The following PTPRD variants were observed in gnomAD, a reference collection of about 807,000 sequenced individuals.
PTPRD encodes receptor-type tyrosine-protein phosphatase delta.
PTPRD carries 34 observed loss-of-function variants against 214.5 expected under a neutral mutation model. The observed-to-expected ratio is 0.16, with a 90% CI of 0.12 to 0.21. The LOEUF (loss-of-function observed/expected upper bound fraction) is 0.21, where lower values mean the gene tolerates loss of function less well. PTPRD is among the 10% of genes least tolerant of loss of function. The pLI is 1.00. For missense variants in PTPRD, 2,545 were observed against 2,398.7 expected, an observed-to-expected ratio of 1.06 and a Z score of -1.27; for synonymous variants, 1,128 against 845.7, an observed-to-expected ratio of 1.33 and a Z score of -5.79.
At chr9:9,886,511 C>A (rs2070984930) in intron 5 of PTPRD, among the ~76,000 whole-genome samples, 1 of 152,022 alleles carries the variant, frequency 6.6e-6, no homozygotes, top group African/African-American at 2.4e-5. Context: ...TAAATTGTGG[C>A]CAGAGGTCAG....
chr9:10,318,960 G>T (rs567157052), intron 3 of PTPRD, among the ~76,000 whole-genome samples: 1 of 152,184 alleles, frequency 6.6e-6, no homozygotes, highest in Non-Finnish European at 1.5e-5. Context: ...AGAGCTATCA[G>T]CCAGGAAACA....
intron 9 of PTPRD, among the ~76,000 whole-genome samples, chr9:9,358,212 C>A (rs1442542565): frequency 6.6e-6 from 1 of 151,152 alleles, no homozygotes; most frequent in Non-Finnish European, 1.5e-5. Context: ...ATTATATAGG[C>A]AATTTTTTCT....
At position 10,523,637 on chromosome 9, in the gene PTPRD, G is replaced by GGA. The variant is rs34292948; in HGVS notation, c.-600+88759_-600+88760dup. On this transcript the variant is annotated intron_variant, in intron 2 of 45. Transcript: ENST00000381196. ...TATATATATATAGACAGAAAGAAAG[G>GGA]GAGAGAGAGAGAGAGAGAGAAATAA... Among the ~76,000 whole-genome samples the GGA allele has an allele frequency of 3.7e-3, 83 of 22,494 alleles. 1 individual carries two copies. The East Asian group carries it at 0.051, about 14-fold the overall frequency. The allele number at this position is 22,494 out of a possible 152,430, so 14.8% of individuals were successfully genotyped here.
intron 4 of PTPRD, among the ~76,000 whole-genome samples, chr9:10,025,270 C>T (rs192205592): frequency 7.9e-5 from 12 of 152,282 alleles, no homozygotes; most frequent in Admixed American, 5.9e-4. Context: ...GTTCCTATTT[C>T]TCCACATCCT....
chr9:10,037,246 C>G (rs12006204), intron 3 of PTPRD, among the ~76,000 whole-genome samples: 15,258 of 152,080 alleles, frequency 0.1, 931 homozygotes, highest in South Asian at 0.16. Flanking sequence ...AATCTCATAT[C>G]AAATCATAAT....
At chr9:10,413,764 T>C (rs905620460) in intron 2 of PTPRD, among the ~76,000 whole-genome samples, 2 of 151,776 alleles carry the variant, frequency 1.3e-5, no homozygotes, top group South Asian at 2.1e-4. Context: ...AACAGGCACA[T>C]AGACAAATGG....
intron 10 of PTPRD, among the ~76,000 whole-genome samples, chr9:9,128,038 C>T (rs747229336): frequency 6.6e-6 from 1 of 152,110 alleles, no homozygotes; most frequent in Non-Finnish European, 1.5e-5. Flanking sequence ...AATTCATAAA[C>T]TTACCAATAC....
At chr9:10,370,370 G>A (rs1598326489) in intron 2 of PTPRD, among the ~76,000 whole-genome samples, 3 of 152,076 alleles carry the variant, frequency 2.0e-5, no homozygotes, top group South Asian at 2.1e-4. Flanking sequence ...AATTTTCAGC[G>A]GAAGACACTA....
chr9:9,552,615 G>A (rs1286797463), intron 8 of PTPRD, among the ~76,000 whole-genome samples: 2 of 152,002 alleles, frequency 1.3e-5, no homozygotes, highest in East Asian at 3.9e-4. Flanking sequence ...ACCTAAGAAT[G>A]CTCTGAGATT....
intron 2 of PTPRD, among the ~76,000 whole-genome samples, chr9:10,533,171 T>G (rs1008893059): frequency 3.3e-5 from 5 of 152,060 alleles, no homozygotes; most frequent in African/African-American, 1.2e-4. Flanking sequence ...CCTGCTTTCC[T>G]CCAGGAGTGG....
rs371325921 is a variant in PTPRD, at chr9:8,885,731, AG to A, written c.-104+132965del. On this transcript the variant is annotated intron_variant, in intron 11 of 45. Transcript: ENST00000381196. ...AGGCTGGTCTTGAACTCCTGATCTC[AG>A]GCGAACCACCCACCTTGGTCTCCCA... Among the ~76,000 whole-genome samples, 483 of 152,066 alleles carry A rather than the reference AG, an allele frequency of 3.2e-3. 4 individuals carry two copies. The highest frequency in any genetic ancestry group is 0.011 in the African/African-American group (443 of 41,492).
chr9:10,071,825 T>C (rs970408636), intron 3 of PTPRD, among the ~76,000 whole-genome samples: 7 of 151,984 alleles, frequency 4.6e-5, no homozygotes, highest in African/African-American at 1.7e-4. Context: ...CCAGAAATCA[T>C]ACACCTTGAC....
At chr9:9,325,875 T>A (rs1969824317) in intron 9 of PTPRD, among the ~76,000 whole-genome samples, 1 of 152,154 alleles carries the variant, frequency 6.6e-6, no homozygotes, top group Non-Finnish European at 1.5e-5. Context: ...CCATCAATAC[T>A]TAGTTTATTG....
chr9:9,317,077 T>C (rs1159240501), intron 9 of PTPRD, among the ~76,000 whole-genome samples: 1 of 152,194 alleles, frequency 6.6e-6, no homozygotes, highest in East Asian at 1.9e-4. Context: ...CTTGTTTCAA[T>C]GTTTATTTTC....
intron 10 of PTPRD, among the ~76,000 whole-genome samples, chr9:9,179,474 A>G (rs140768450): frequency 1.7e-3 from 257 of 152,236 alleles, no homozygotes; most frequent in Middle Eastern, 0.01. Context: ...AAACTTGGTC[A>G]ATGTCCCCAA....
chr9:9,714,523 A>T (rs2097785839), intron 7 of PTPRD, among the ~76,000 whole-genome samples: 1 of 152,206 alleles, frequency 6.6e-6, no homozygotes, highest in Admixed American at 6.6e-5. Flanking sequence ...AAGAATATTG[A>T]TTACTCAGTA....
chr9:10,506,942 G>T (rs1049641841), intron 2 of PTPRD, among the ~76,000 whole-genome samples: 2 of 151,980 alleles, frequency 1.3e-5, no homozygotes, highest in Non-Finnish European at 2.9e-5. Context: ...TCTTTCTCCT[G>T]CCTGATTGCC....
At chr9:10,380,792 A>T (rs1461937301) in intron 2 of PTPRD, among the ~76,000 whole-genome samples, 1 of 151,498 alleles carries the variant, frequency 6.6e-6, no homozygotes, top group Admixed American at 6.6e-5. Flanking sequence ...AACAATTTCC[A>T]TTTTTTTCCT....
intron 9 of PTPRD, among the ~76,000 whole-genome samples, chr9:9,331,917 G>C (rs147325867): frequency 1.6e-4 from 25 of 152,122 alleles, no homozygotes; most frequent in African/African-American, 6.0e-4. Context: ...AACTGGAGGG[G>C]AAGTTTGGGG....
Sources: gnomAD v4.1 joint callset for allele counts (sites outside exome capture counted in the v4.1 genomes callset) on GRCh38, gnomAD v4.1.1 for gene constraint, MANE v1.5 for transcripts, NCBI Gene and HGNC (gene_info 2026-07-23, HGNC 2026-07-21) for gene names.